Variants in BRINP3 observed in about 807,000 individuals in gnomAD.
BRINP3 encodes the protein BMP/retinoic acid inducible neural specific 3, also known as BMP/retinoic acid-inducible neural-specific protein 3.
Under a neutral mutation model 71.0 loss-of-function variants are expected in BRINP3, and 19 were observed. The ratio of observed to expected loss-of-function variants is 0.27; its 90% CI spans 0.19 to 0.39. The LOEUF is 0.39. Among genes scored for constraint, BRINP3 ranks in the 10% least tolerant of loss-of-function variants. The pLI is 1.00. For synonymous variants in BRINP3, 380 were observed against 337.7 expected (o/e 1.13, Z -1.37); for missense variants, 959 against 940.8 (o/e 1.02, Z -0.25).
intron 7 of BRINP3, among the ~76,000 whole-genome samples, chr1:190,144,200 T>C (rs542666334): frequency 6.6e-6 from 1 of 152,162 alleles, no homozygotes; most frequent in African/African-American, 2.4e-5. Context: ...CCCCTTTTTA[T>C]TTCCTCTCTT....
chr1:190,277,350 T>A (rs1165014219), intron 3 of BRINP3, among the ~76,000 whole-genome samples: 1 of 150,892 alleles, frequency 6.6e-6, no homozygotes, highest in Non-Finnish European at 1.5e-5. Context: ...CCTCACTGCC[T>A]TAGAGCTGAG....
intron 2 of BRINP3, among the ~76,000 whole-genome samples, chr1:190,433,265 T>A (rs1301555078): frequency 6.6e-6 from 1 of 152,208 alleles, no homozygotes; most frequent in Non-Finnish European, 1.5e-5. Context: ...TTAAGAAGTA[T>A]ACAGATCAAT....
chr1:190,185,170 G>T (rs1653403530), intron 6 of BRINP3, among the ~76,000 whole-genome samples: 1 of 152,074 alleles, frequency 6.6e-6, no homozygotes, highest in Non-Finnish European at 1.5e-5. Flanking sequence ...GAAAATGCAA[G>T]CCATAGAATG....
In BRINP3 at chr1:190,254,831, G is replaced by C. The variant is rs575099788; in HGVS notation, c.618+10034C>G. Among the ~76,000 whole-genome samples, 10 of 152,276 alleles carry C rather than the reference G, an allele frequency of 6.6e-5. No homozygotes were observed. The South Asian group carries it at 1.0e-3, about 16-fold the overall frequency. On this transcript the variant is annotated intron_variant, in intron 4 of 7. Coordinates refer to ENST00000367462, the MANE Select transcript of BRINP3 (RefSeq NM_199051.3). ...TAAGTTGAATAGGAGCAGTGAGAGA[G>C]GGCATCTCTGTCTTGTGCCTGTTTT...
At chr1:190,128,936 C>T (rs1654308864) in intron 7 of BRINP3, among the ~76,000 whole-genome samples, 2 of 151,534 alleles carry the variant, frequency 1.3e-5, no homozygotes, top group Non-Finnish European at 3.0e-5. Context: ...TACAGTAGAA[C>T]ATACAAAATA....
Position 190,426,146 on chromosome 1 carries a change from A to G in BRINP3, c.236+28509T>C, listed in dbSNP as rs542067661. 2.0e-5 allele frequency among the ~76,000 whole-genome samples: 3 copies of G among 151,788 alleles called. No individual in the cohort carries two copies. The Admixed American group carries it at 2.0e-4, about 10-fold the overall frequency. On this transcript the variant is annotated intron_variant, in intron 2 of 7. Coordinates refer to ENST00000367462, the MANE Select transcript of BRINP3 (RefSeq NM_199051.3). Reference sequence around the variant, plus strand: ...TTATTTTGGAAACGTGTAATGAAAAAATATATATCCAAAGGCAGAGTATAA... The same window carrying G: ...TTATTTTGGAAACGTGTAATGAAAAGATATATATCCAAAGGCAGAGTATAA...
chr1:190,217,870 G>A (rs1358501471), intron 6 of BRINP3, among the ~76,000 whole-genome samples: 1 of 152,036 alleles, frequency 6.6e-6, no homozygotes, highest in South Asian at 2.1e-4. Flanking sequence ...TGTTAGGACT[G>A]GCTTCTAATC....
At chr1:190,354,040 T>A (rs1476178711) in intron 2 of BRINP3, among the ~76,000 whole-genome samples, 3 of 151,942 alleles carry the variant, frequency 2.0e-5, no homozygotes, top group Non-Finnish European at 4.4e-5. Context: ...ACTTAAACAC[T>A]CTGTCTTGGC....
intron 4 of BRINP3, among the ~76,000 whole-genome samples, 173 bp from the exon 5 acceptor site, chr1:190,234,650 G>A (rs1658346136): frequency 6.6e-6 from 1 of 152,090 alleles, no homozygotes; most frequent in Admixed American, 6.6e-5. Context: ...AAAGCAGTAA[G>A]TCCCTTTGTC....
chr1:190,200,215 A>T (rs1654879744), intron 6 of BRINP3, among the ~76,000 whole-genome samples: 1 of 152,116 alleles, frequency 6.6e-6, no homozygotes, highest in Admixed American at 6.6e-5. Context: ...TGATCATTTT[A>T]TAACTCTTAT....
At chr1:190,346,075 T>C (rs557944608) in intron 2 of BRINP3, among the ~76,000 whole-genome samples, 6 of 152,094 alleles carry the variant, frequency 3.9e-5, no homozygotes, top group African/African-American at 1.4e-4. Flanking sequence ...TAAGAAAATG[T>C]AGCATTTCTA....
intron 7 of BRINP3, among the ~76,000 whole-genome samples, chr1:190,158,634 A>C (rs1372924224): frequency 1.3e-5 from 2 of 152,072 alleles, no homozygotes; most frequent in Non-Finnish European, 2.9e-5. Flanking sequence ...ATTAAAAAGA[A>C]TGTTTTATTC....
intron 5 of BRINP3, among the ~76,000 whole-genome samples, chr1:190,231,372 C>T (rs1041471695): frequency 6.6e-6 from 1 of 151,756 alleles, no homozygotes. Context: ...TACATTTAAT[C>T]ATCCACCTTA....
intron 4 of BRINP3, among the ~76,000 whole-genome samples, chr1:190,254,791 C>T (rs920452119): frequency 6.6e-6 from 1 of 152,108 alleles, no homozygotes; most frequent in African/African-American, 2.4e-5. Context: ...TTGCCCTGGC[C>T]AGAAATTCCA....
intron 2 of BRINP3, among the ~76,000 whole-genome samples, chr1:190,341,643 G>T (rs569856968): frequency 6.6e-6 from 1 of 151,648 alleles, no homozygotes; most frequent in Non-Finnish European, 1.5e-5. Flanking sequence ...CTTTTGACTG[G>T]CTTTACAAGA....
chr1:190,216,206 T>C (rs1656403550), intron 6 of BRINP3, among the ~76,000 whole-genome samples: 2 of 151,780 alleles, frequency 1.3e-5, no homozygotes, highest in South Asian at 4.1e-4. Context: ...GAATCCTTGA[T>C]CCACATCTGG....
intron 6 of BRINP3, among the ~76,000 whole-genome samples, chr1:190,175,904 T>A (rs1413180292): frequency 1.3e-5 from 2 of 152,118 alleles, no homozygotes; most frequent in East Asian, 3.9e-4. Context: ...CTCTGCAGGA[T>A]CTTGAATCAT....
chr1:190,150,707 A>T (rs1656314670), intron 7 of BRINP3, among the ~76,000 whole-genome samples: 1 of 152,176 alleles, frequency 6.6e-6, no homozygotes, highest in Non-Finnish European at 1.5e-5. Flanking sequence ...TATGAAGCTG[A>T]CAAAAAAGAT....
At chr1:190,324,888 T>TA (rs1459629898) in intron 2 of BRINP3, among the ~76,000 whole-genome samples, 3 of 151,934 alleles carry the variant, frequency 2.0e-5, no homozygotes, top group Non-Finnish European at 4.4e-5. Flanking sequence ...TGATACCTTG[T>TA]AATCATTATG....
Sources: allele counts gnomAD v4.1 joint callset (sites outside exome capture counted in the v4.1 genomes callset), GRCh38; gene constraint gnomAD v4.1.1; transcripts MANE v1.5; gene names NCBI Gene and HGNC (gene_info 2026-07-23, HGNC 2026-07-21).